Variants in IKZF2 observed in about 807,000 individuals in gnomAD.
The protein encoded by IKZF2 is IKAROS family zinc finger 2, also known as zinc finger protein Helios.
IKZF2 carries 15 observed loss-of-function variants against 49.2 expected under a neutral mutation model. That is an observed-to-expected ratio of 0.30 (90% CI 0.20 to 0.47). The LOEUF (loss-of-function observed/expected upper bound fraction) is 0.47, where lower values mean the gene tolerates loss of function less well. Ranked by LOEUF, IKZF2 falls within the 20% of genes least tolerant of loss-of-function variation. The probability of loss-of-function intolerance (pLI) is 1.00; values close to 1 mark genes in which losing one functional copy is unlikely to be tolerated. For synonymous variants in IKZF2, 227 were observed against 221.4 expected (o/e 1.03, Z -0.23); for missense variants, 567 against 664.6 (o/e 0.85, Z 1.61).
intron 4 of IKZF2, among the ~76,000 whole-genome samples, chr2:213,124,242 G>GCGCGCGCA (rs1553599608): frequency 3.1e-5 from 3 of 96,312 alleles, no homozygotes; most frequent in African/African-American, 1.7e-4. Context: ...ACATGCGCTC[G>GCGCGCGCA]CGCGCGCGCG....
Position 213,007,677 on chromosome 2 carries a change from C to T in IKZF2, c.1264G>A (p.Gly422Arg), listed in dbSNP as rs374824956. Reference protein sequence around the residue: ...SSHDDHQSYQGHPALNPKRKQ... With the variant: ...SSHDDHQSYQRHPALNPKRKQ... ...CTCTTGGGATTTAAGGCAGGGTGTC[C>T]TTGGTAGGACTGGTGGTCATCATGG... The change falls in exon 9 of 9, where the codon GGA becomes AGA. Residue 422 changes from glycine to arginine, a missense_variant. By Grantham distance (125) the Gly-to-Arg change is moderately radical. Transcript: ENST00000434687. The T allele has an allele frequency of 6.2e-7, 1 of 1,613,552 alleles. No individual in the cohort carries two copies. The highest frequency in any genetic ancestry group is 8.5e-7 in the Non-Finnish European group (1 of 1,179,756).
chr2:213,063,688 GGTT>G (rs1244697377), intron 4 of IKZF2, among the ~76,000 whole-genome samples: 2 of 151,974 alleles, frequency 1.3e-5, no homozygotes, highest in Admixed American at 6.6e-5. Context: ...ACTGAAGCAT[GGTT>G]GTTAAGTGGC....
At chr2:213,094,474 A>G (rs1043731698) in intron 4 of IKZF2, among the ~76,000 whole-genome samples, 1 of 152,118 alleles carries the variant, frequency 6.6e-6, no homozygotes, top group African/African-American at 2.4e-5. Context: ...GTGTACCAGC[A>G]CTGACACCAG....
rs1695410468 is a variant in IKZF2, at chr2:213,007,123, T to C, written c.*237A>G. ...GGACTGCTCTTAAATTCCCACAAAA[T>C]AAACAAGCCAGGTGATAAAGAAACA... On this transcript the variant is annotated 3_prime_UTR_variant, in exon 9 of 9. Transcript: ENST00000434687. 2.4e-6 allele frequency: 1 copy of C among 416,374 alleles called. No individual in the cohort carries two copies. Among genetic ancestry groups the C allele is most frequent in the South Asian group, 5.4e-5 (1 of 18,492 alleles). 25.8% of individuals were successfully genotyped at this position (416,374 alleles called of 1,614,324 possible). A position where few individuals can be genotyped will look rare whatever the true frequency, so the allele number is the denominator to read the frequency against.
At chr2:213,110,807 A>T (rs2059681420) in intron 4 of IKZF2, among the ~76,000 whole-genome samples, 1 of 152,044 alleles carries the variant, frequency 6.6e-6, no homozygotes, top group South Asian at 2.1e-4. Context: ...CATGACACAA[A>T]ATTTTCAGTT....
intron 4 of IKZF2, among the ~76,000 whole-genome samples, chr2:213,059,609 G>C (rs1701490333): frequency 6.6e-6 from 1 of 151,596 alleles, no homozygotes; most frequent in African/African-American, 2.4e-5. Context: ...TGTGCATAAA[G>C]TGTATCAGAA....
chr2:213,008,039 A>G lies in IKZF2; in HGVS notation c.902T>C (p.Met301Thr), dbSNP rs149527934. The G allele has an allele frequency of 2.5e-6, 4 of 1,612,434 alleles. No homozygotes were observed. Among genetic ancestry groups the G allele is most frequent in the Admixed American group, 1.7e-5 (1 of 59,858 alleles). The change falls in exon 9 of 9, where the codon ATG becomes ACG. Residue 301 changes from methionine (M) to threonine (T), a missense_variant. By Grantham distance (81) the Met-to-Thr change is moderately conservative. This residue lies in a region of IKZF2 where 310 missense variants were observed against 326.9 expected (regional missense o/e 0.95). Transcript: ENST00000434687. The part of the protein sequence containing the change: ...RFSYPDIHFD[M>T]NLTYEKEAEL... ...AGCCTCCTTCTCATATGTTAAGTTCATATCAAAGTGAATATCTGGGTAGCT... is the reference window on the plus strand; with the variant it reads ...AGCCTCCTTCTCATATGTTAAGTTCGTATCAAAGTGAATATCTGGGTAGCT...
At position 213,034,326 on chromosome 2, in the gene IKZF2, C is replaced by T. The variant is rs558966595; in HGVS notation, c.575-12196G>A. ...TTTTAAATTTTCTTCAATAACATTT[C>T]CTTTGCATTCACAATGTGGCTGTTT... On this transcript the variant is annotated intron_variant, in intron 6 of 8. Coordinates refer to ENST00000434687, the MANE Select transcript of IKZF2 (RefSeq NM_001387220.1). 7.9e-5 allele frequency among the ~76,000 whole-genome samples: 12 copies of T among 152,302 alleles called. No homozygotes were observed. In the South Asian group the frequency reaches 2.5e-3, roughly 32 times the overall value.
chr2:213,147,445 A>C, intron 4 of IKZF2: 1 of 572,860 alleles, frequency 1.7e-6, no homozygotes, highest in Non-Finnish European at 3.1e-6. Context: ...TCAAAACAAC[A>C]ACCAGCAAAT....
intron 4 of IKZF2, 120 bp downstream of exon 4, chr2:213,147,588 A>G (rs760394132): frequency 1.3e-5 from 10 of 796,782 alleles, no homozygotes; most frequent in Non-Finnish European, 1.8e-5. Context: ...TTCTTTCTTT[A>G]GCAAAATCTA....
intron 4 of IKZF2, among the ~76,000 whole-genome samples, chr2:213,112,070 A>G (rs1489689515): frequency 6.6e-6 from 1 of 152,160 alleles, no homozygotes; most frequent in Non-Finnish European, 1.5e-5. Context: ...GGAGAACTTT[A>G]GGTTGAGGAG....
chr2:213,105,113 A>T (rs893762513), intron 4 of IKZF2, among the ~76,000 whole-genome samples: 13 of 151,986 alleles, frequency 8.6e-5, no homozygotes, highest in Admixed American at 7.9e-4. Flanking sequence ...TGTCAAAAAG[A>T]CTTCCCTTAA....
intron 7 of IKZF2, chr2:213,021,369 A>G (rs1697201325): frequency 6.5e-6 from 1 of 154,274 alleles, no homozygotes; most frequent in African/African-American, 2.4e-5. Flanking sequence ...TTAAGAACTG[A>G]AATTCATTAT....
chr2:213,013,085 T>A (rs557984290), intron 8 of IKZF2, among the ~76,000 whole-genome samples: 5 of 151,942 alleles, frequency 3.3e-5, no homozygotes, highest in African/African-American at 1.2e-4. Flanking sequence ...AGTCTAAATA[T>A]ATGATATTTA....
chr2:213,066,063 C>A lies in IKZF2; in HGVS notation c.140-8964G>T, dbSNP rs561243722. Among the ~76,000 whole-genome samples, 6 of 152,166 alleles carry A rather than the reference C, an allele frequency of 3.9e-5. No homozygotes were observed. The South Asian group carries it at 1.2e-3, about 32-fold the overall frequency. On this transcript the variant is annotated intron_variant, in intron 4 of 8. Transcript: ENST00000434687. ...TCTACTTTGAACTGGTGTTTGGCAA[C>A]CATCTGCTTAACGTAACTGTAAGAG...
chr2:213,083,439 G>A (rs533246153), intron 4 of IKZF2, among the ~76,000 whole-genome samples: 2 of 141,030 alleles, frequency 1.4e-5, no homozygotes, highest in East Asian at 4.1e-4. Context: ...TGCCCAGGCT[G>A]GAGTGCAATG....
At chr2:213,061,932 C>A (rs900515470) in intron 4 of IKZF2, among the ~76,000 whole-genome samples, 16 of 151,486 alleles carry the variant, frequency 1.1e-4, no homozygotes, top group African/African-American at 3.9e-4. Flanking sequence ...AAAACCTGGA[C>A]ATTTTACTTT....
chr2:213,032,047 C>T (rs1698492496), intron 6 of IKZF2, among the ~76,000 whole-genome samples: 1 of 151,922 alleles, frequency 6.6e-6, no homozygotes, highest in South Asian at 2.1e-4. Flanking sequence ...TTAATGTGGC[C>T]AGGAGATGGT....
chr2:213,003,939 T>C lies in IKZF2; in HGVS notation c.*3421A>G, dbSNP rs1042541500. On this transcript the variant is annotated 3_prime_UTR_variant, in exon 9 of 9. Transcript: ENST00000434687. ...CTTAATCATTGTTTGTTTCACTTTGTTCTGTAAGTAGATAATAAGGACCCA... is the reference window on the plus strand; with the variant it reads ...CTTAATCATTGTTTGTTTCACTTTGCTCTGTAAGTAGATAATAAGGACCCA... 2.6e-5 allele frequency: 4 copies of C among 151,864 alleles called. No individual in the cohort carries two copies. The highest frequency in any genetic ancestry group is 5.9e-5 in the Non-Finnish European group (4 of 67,820). 9.4% of individuals were successfully genotyped at this position (151,864 alleles called of 1,614,324 possible). A position where few individuals can be genotyped will look rare whatever the true frequency, so the allele number is the denominator to read the frequency against.
Sources: allele counts gnomAD v4.1 joint callset (sites outside exome capture counted in the v4.1 genomes callset), GRCh38; gene constraint gnomAD v4.1.1; regional missense constraint gnomAD v4.1.1; transcripts MANE v1.5; gene names NCBI Gene and HGNC (gene_info 2026-07-23, HGNC 2026-07-21).